CUX1: variants seen among roughly 807,000 people sequenced by gnomAD.
CUX1 encodes the protein cut like homeobox 1, also known as protein CASP.
In CUX1, 31 loss-of-function variants were observed where a neutral mutation model predicts 158.8. The ratio of observed to expected loss-of-function variants is 0.20; its 90% CI spans 0.15 to 0.26. The LOEUF (loss-of-function observed/expected upper bound fraction) is 0.26. Among genes scored for constraint, CUX1 ranks in the 10% least tolerant of loss-of-function variants. The pLI is 1.00. For synonymous variants in CUX1, 879 were observed against 862.1 expected (o/e 1.02, Z -0.34); for missense variants, 1,589 against 2,014.6 (o/e 0.79, Z 4.04).
chr7:101,838,461 C>T (rs1250582320), intron 1 of CUX1, among the ~76,000 whole-genome samples: 1 of 151,268 alleles, frequency 6.6e-6, no homozygotes, highest in Non-Finnish European at 1.5e-5. Context: ...ATCTTGTTGT[C>T]TATGTCATTC....
chr7:101,836,322 C>T (rs1794624766), intron 1 of CUX1, among the ~76,000 whole-genome samples: 1 of 152,134 alleles, frequency 6.6e-6, no homozygotes, highest in African/African-American at 2.4e-5. Context: ...CACTGCTGTG[C>T]ACAAAGTGAT....
intron 2 of CUX1, among the ~76,000 whole-genome samples, chr7:101,999,217 C>CTTTTTTTTTTT (rs3988167): frequency 1.2e-5 from 1 of 85,834 alleles, no homozygotes; most frequent in Non-Finnish European, 2.0e-5. Context: ...TTTTTTTTAC[C>CTTTTTTTTTTT]TTTTTTTTTT....
intron 3 of CUX1, among the ~76,000 whole-genome samples, chr7:102,056,971 G>A (rs1030805421): frequency 5.4e-5 from 8 of 147,606 alleles, no homozygotes; most frequent in Admixed American, 1.4e-4. Context: ...GTGCGATCTC[G>A]GCTCACTGCA....
At chr7:102,277,936 CCT>C in intron 17 of CUX1, 3 of 1,292,114 alleles carry the variant, frequency 2.3e-6, no homozygotes, top group Non-Finnish European at 3.2e-6. Context: ...TTTCCTTGCC[CCT>C]CCCCCCCCAG....
At chr7:102,004,860 A>C (rs541914991) in intron 2 of CUX1, among the ~76,000 whole-genome samples, 1 of 152,214 alleles carries the variant, frequency 6.6e-6, no homozygotes, top group African/African-American at 2.4e-5. Context: ...GCCTGGTGCT[A>C]CATATGTTAG....
intron 2 of CUX1, among the ~76,000 whole-genome samples, chr7:101,947,766 T>C (rs1808572977): frequency 6.6e-6 from 1 of 152,168 alleles, no homozygotes. Flanking sequence ...GTAAATGAAA[T>C]ATTTTTGGAT....
Position 102,227,665 on chromosome 7 carries a change from C to T in CUX1, c.3429C>T (p.Asn1143=). The change falls in exon 21 of 24, where the codon AAC becomes AAT. Residue 1143 remains asparagine, a synonymous_variant. Transcript: ENST00000292535. ...KRVKEVLTDN[N]LGQRLFGETI... ...TGAAGGAGGTGCTGACGGACAACAA[C>T]CTCGGTAGGTTCTCCTCTCGGCTGC... The T allele has an allele frequency of 3.1e-6, 5 of 1,607,922 alleles. No individual in the cohort carries two copies. Among genetic ancestry groups the T allele is most frequent in the Non-Finnish European group, 4.3e-6 (5 of 1,176,056 alleles).
At chr7:101,890,684 A>G (rs1037472698) in intron 1 of CUX1, among the ~76,000 whole-genome samples, 2 of 152,008 alleles carry the variant, frequency 1.3e-5, no homozygotes, top group South Asian at 2.1e-4. Flanking sequence ...CTGCTTGCGT[A>G]TTTCTACTCA....
chr7:102,171,951 A>G lies in CUX1; in HGVS notation c.828+1401A>G, dbSNP rs546486042. On this transcript the variant is annotated intron_variant, in intron 10 of 23. Transcript: ENST00000292535. ...GCCCTTGCCGTATGCTAGGGCTTGT[A>G]GTGGACACCCGAAGAACCATAAGGA... Among the ~76,000 whole-genome samples the G allele has an allele frequency of 1.8e-3, 270 of 152,374 alleles. 1 individual carries two copies. Among genetic ancestry groups the G allele is most frequent in the Non-Finnish European group, 2.6e-3 (179 of 68,034 alleles).
chr7:102,119,449 T>C (rs1289764997), intron 8 of CUX1, among the ~76,000 whole-genome samples: 1 of 152,138 alleles, frequency 6.6e-6, no homozygotes, highest in African/African-American at 2.4e-5. Context: ...TGAAGCAAAA[T>C]GTAATTAGCC....
Position 102,255,251 on chromosome 7 carries a change from A to C in CUX1, c.*6209A>C. The C allele has an allele frequency of 1.0e-6, 1 of 985,458 alleles. No homozygotes were observed. Among genetic ancestry groups the C allele is most frequent in the African/African-American group, 1.7e-5 (1 of 57,366 alleles). 61.0% of individuals were successfully genotyped at this position (985,458 alleles called of 1,614,324 possible). The stretch of plus-strand genomic sequence containing the variant: ...CTTCCCTCCAAAGATAACCGTGTCC[A>C]TGCCATCCGTGGCATCATCTCGAGT... On this transcript the variant is annotated 3_prime_UTR_variant, in exon 24 of 24. Coordinates refer to ENST00000292535, the MANE Select transcript of CUX1 (RefSeq NM_181552.4).
Position 102,281,664 on chromosome 7 carries a change from A to G in CUX1, c.1822-176A>G, listed in dbSNP as rs1332231046. 2.2e-5 allele frequency among the ~76,000 whole-genome samples: 3 copies of G among 137,572 alleles called. No individual in the cohort carries two copies. In the Admixed American group the frequency reaches 2.2e-4, roughly 10 times the overall value. 90.3% of individuals were successfully genotyped at this position (137,572 alleles called of 152,430 possible). ...GGCGACAGAGGGAGACTCTGTCTCAAAAAAAAAAGAATTCCAGCAGCCCAT... is the reference window on the plus strand; with the variant it reads ...GGCGACAGAGGGAGACTCTGTCTCAGAAAAAAAAGAATTCCAGCAGCCCAT... On this transcript the variant is annotated intron_variant, in intron 20 of 22. Transcript: ENST00000292538.
intron 1 of CUX1, among the ~76,000 whole-genome samples, chr7:101,888,331 CAA>C (rs915864487): frequency 6.8e-6 from 1 of 147,708 alleles, no homozygotes; most frequent in Non-Finnish European, 1.5e-5. Context: ...GCTCCGTCTC[CAA>C]AAAAAAAGAA....
chr7:101,837,385 T>A (rs906976092), intron 1 of CUX1, among the ~76,000 whole-genome samples: 2 of 152,212 alleles, frequency 1.3e-5, no homozygotes, highest in Non-Finnish European at 2.9e-5. Context: ...AAATCTTTTT[T>A]TAGTTGTGTA....
intron 1 of CUX1, among the ~76,000 whole-genome samples, chr7:101,886,580 C>T (rs185937670): frequency 1.4e-4 from 21 of 152,290 alleles, no homozygotes; most frequent in South Asian, 4.1e-4. Context: ...ACACGATACC[C>T]GTGGGGAGAA....
At chr7:101,949,880 G>GA (rs1332829833) in intron 2 of CUX1, among the ~76,000 whole-genome samples, 2 of 151,914 alleles carry the variant, frequency 1.3e-5, no homozygotes, top group East Asian at 1.9e-4. Context: ...CAATCCCTGA[G>GA]AGAGGGGCTT....
intron 8 of CUX1, among the ~76,000 whole-genome samples, chr7:102,152,076 A>T (rs1835752810): frequency 6.6e-6 from 1 of 152,054 alleles, no homozygotes; most frequent in African/African-American, 2.4e-5. Context: ...TAGGTGTGGC[A>T]GTGCATACCT....
chr7:102,133,057 C>G lies in CUX1; in HGVS notation c.674+17784C>G, dbSNP rs182268423. On this transcript the variant is annotated intron_variant, in intron 8 of 23. Transcript: ENST00000292535. ...CAGTATCTCCCTGGACAAAACCACC[C>G]TCCAAGCATCTGCTAAAGTTATCTT... 6.6e-5 allele frequency among the ~76,000 whole-genome samples: 10 copies of G among 152,294 alleles called. No individual in the cohort carries two copies. In the East Asian group the frequency reaches 1.9e-3, roughly 29 times the overall value.
At chr7:102,050,969 C>G (rs1162282677) in intron 3 of CUX1, among the ~76,000 whole-genome samples, 1 of 152,158 alleles carries the variant, frequency 6.6e-6, no homozygotes, top group East Asian at 1.9e-4. Flanking sequence ...CTGTCTACCA[C>G]CAGTTGCCAT....
Sources: allele counts gnomAD v4.1 joint callset (sites outside exome capture counted in the v4.1 genomes callset), GRCh38; gene constraint gnomAD v4.1.1; transcripts MANE v1.5; gene names NCBI Gene and HGNC (gene_info 2026-07-23, HGNC 2026-07-21).